CSNK1G1: variants seen among roughly 807,000 people sequenced by gnomAD.
CSNK1G1 encodes casein kinase I isoform gamma-1.
In CSNK1G1, 22 loss-of-function variants were observed where a neutral mutation model predicts 59.6. The ratio of observed to expected loss-of-function variants is 0.37; its 90% CI spans 0.26 to 0.53. The LOEUF (loss-of-function observed/expected upper bound fraction) is 0.53. CSNK1G1 is among the 20% of genes least tolerant of loss of function. The probability of loss-of-function intolerance (pLI) is 0.89; values close to 1 mark genes in which losing one functional copy is unlikely to be tolerated. For synonymous variants in CSNK1G1, 179 were observed against 177.1 expected, an observed-to-expected ratio of 1.01 and a Z score of -0.08; for missense variants, 384 against 519.5, an observed-to-expected ratio of 0.74 and a Z score of 2.54.
chr15:64,332,553 T>C (rs1418879380), intron 1 of CSNK1G1, among the ~76,000 whole-genome samples: 8 of 136,534 alleles, frequency 5.9e-5, no homozygotes, highest in African/African-American at 1.6e-4. Context: ...AGGGATAGCA[T>C]TGGGAGATAT....
intron 10 of CSNK1G1, among the ~76,000 whole-genome samples, chr15:64,202,386 G>C (rs2082119958): frequency 6.6e-6 from 1 of 151,996 alleles, no homozygotes; most frequent in African/African-American, 2.4e-5. Flanking sequence ...TGTGCGACAG[G>C]TCTTTTTTTT....
intron 2 of CSNK1G1, among the ~76,000 whole-genome samples, chr15:64,270,230 AT>A (rs200790948): frequency 1.8e-3 from 266 of 147,156 alleles, no homozygotes; most frequent in African/African-American, 5.8e-3. Flanking sequence ...CTATTTATCA[AT>A]TTTTTTTTTC....
At chr15:64,189,299 T>G in intron 10 of CSNK1G1, 1 of 1,024,428 alleles carries the variant, frequency 9.8e-7, no homozygotes, top group South Asian at 3.4e-5. Flanking sequence ...CCTCTTTGGA[T>G]TCTGCTTTCA....
At chr15:64,280,403 T>C (rs1175197044) in intron 2 of CSNK1G1, among the ~76,000 whole-genome samples, 1 of 152,030 alleles carries the variant, frequency 6.6e-6, no homozygotes, top group Non-Finnish European at 1.5e-5. Flanking sequence ...TTTGTTTGTA[T>C]TGTTTTGTTT....
chr15:64,288,295 A>G (rs984258497), intron 2 of CSNK1G1, among the ~76,000 whole-genome samples: 14 of 152,356 alleles, frequency 9.2e-5, no homozygotes, highest in African/African-American at 3.4e-4. Flanking sequence ...GAACCAAAAA[A>G]TATGACATAA....
chr15:64,304,003 C>T (rs995155355), intron 1 of CSNK1G1, among the ~76,000 whole-genome samples: 2 of 151,492 alleles, frequency 1.3e-5, no homozygotes, highest in Admixed American at 6.6e-5. Flanking sequence ...AATCACTTTA[C>T]TTCCCACAAC....
chr15:64,272,608 T>C (rs1312791712), intron 2 of CSNK1G1, among the ~76,000 whole-genome samples: 2 of 152,242 alleles, frequency 1.3e-5, no homozygotes, highest in East Asian at 1.9e-4. Flanking sequence ...AATGTGTTGT[T>C]AGCTGGTTAT....
intron 6 of CSNK1G1, among the ~76,000 whole-genome samples, chr15:64,209,215 T>A (rs1317384844): frequency 6.6e-6 from 1 of 152,140 alleles, no homozygotes; most frequent in East Asian, 1.9e-4. Context: ...ATGTGTTTAT[T>A]TTTCAGAATC....
rs75838547 is a variant in CSNK1G1 at position 64,217,260 on chromosome 15, T to C, written c.293-547A>G. On this transcript the variant is annotated intron_variant, in intron 4 of 11. Transcript: ENST00000303052. ...TGGCCCTCTTTTCACAGGGAGTCTC[T>C]ATAGTTTTTTGTTTTTTATCAGCTG... is the stretch of plus-strand genomic sequence containing the variant. Among the ~76,000 whole-genome samples, 1,325 of 152,296 alleles carry C rather than the reference T, an allele frequency of 8.7e-3. 18 individuals carry two copies. Among genetic ancestry groups the C allele is most frequent in the African/African-American group, 0.03 (1,264 of 41,558 alleles).
intron 4 of CSNK1G1, among the ~76,000 whole-genome samples, chr15:64,247,882 T>A (rs1192267178): frequency 6.6e-6 from 1 of 152,252 alleles, no homozygotes; most frequent in Non-Finnish European, 1.5e-5. Context: ...ATCAATCATT[T>A]TTCCCAAATA....
intron 3 of CSNK1G1, among the ~76,000 whole-genome samples, chr15:64,253,672 G>T (rs139738528): frequency 2.2e-4 from 34 of 152,264 alleles, no homozygotes; most frequent in Non-Finnish European, 5.9e-5. Flanking sequence ...ACCTAAGTGT[G>T]CATAATTGGA....
chr15:64,294,998 G>A (rs1324981864), intron 2 of CSNK1G1, among the ~76,000 whole-genome samples: 4 of 151,416 alleles, frequency 2.6e-5, no homozygotes, highest in African/African-American at 2.4e-5. Context: ...TTGGGAGGCC[G>A]AGGTGGGTAG....
At chr15:64,291,324 C>A (rs529279030) in intron 2 of CSNK1G1, among the ~76,000 whole-genome samples, 2 of 152,288 alleles carry the variant, frequency 1.3e-5, no homozygotes, top group African/African-American at 4.8e-5. Flanking sequence ...CAGTGGCTCA[C>A]GCCTGTAATC....
intron 4 of CSNK1G1, among the ~76,000 whole-genome samples, chr15:64,241,064 C>T (rs976062609): frequency 5.3e-5 from 8 of 152,120 alleles, no homozygotes; most frequent in African/African-American, 1.9e-4. Context: ...CTCCCACTTA[C>T]AAGATGCAGA....
intron 10 of CSNK1G1, chr15:64,189,590 T>C (rs1318525873): frequency 2.0e-6 from 1 of 490,566 alleles, no homozygotes; most frequent in Non-Finnish European, 2.8e-6. Flanking sequence ...GTGATATTGC[T>C]GCTCTGCATG....
chr15:64,220,849 T>C (rs1048237253), intron 4 of CSNK1G1, among the ~76,000 whole-genome samples: 3 of 152,174 alleles, frequency 2.0e-5, no homozygotes, highest in Non-Finnish European at 4.4e-5. Flanking sequence ...CCTCCGTGCC[T>C]GGCCACTGAG....
intron 4 of CSNK1G1, among the ~76,000 whole-genome samples, chr15:64,246,089 T>G (rs1891738407): frequency 6.6e-6 from 1 of 152,170 alleles, no homozygotes; most frequent in Non-Finnish European, 1.5e-5. Flanking sequence ...AAGAGTAGAT[T>G]TGAAATGTTC....
At chr15:64,329,208 C>A (rs1195811059) in intron 1 of CSNK1G1, among the ~76,000 whole-genome samples, 3 of 152,150 alleles carry the variant, frequency 2.0e-5, no homozygotes, top group Admixed American at 2.0e-4. Context: ...CATCCCAAAT[C>A]AACAGAATAT....
At chr15:64,266,312 G>C (rs1228291151) in intron 2 of CSNK1G1, among the ~76,000 whole-genome samples, 1 of 151,836 alleles carries the variant, frequency 6.6e-6, no homozygotes, top group Non-Finnish European at 1.5e-5. Context: ...CACTGACCTC[G>C]TGATCCACCC....
Sources: gnomAD v4.1 joint callset for allele counts (sites outside exome capture counted in the v4.1 genomes callset) on GRCh38, gnomAD v4.1.1 for gene constraint, MANE v1.5 for transcripts, NCBI Gene and HGNC (gene_info 2026-07-23, HGNC 2026-07-21) for gene names.